Variants in RCAN2 observed in about 807,000 individuals in gnomAD.
The protein encoded by RCAN2 is regulator of calcineurin 2.
Under a neutral mutation model 23.6 loss-of-function variants are expected in RCAN2, and 9 were observed. The ratio of observed to expected loss-of-function variants is 0.38; its 90% CI spans 0.23 to 0.67. The LOEUF (loss-of-function observed/expected upper bound fraction) is 0.67, where lower values mean the gene tolerates loss of function less well. RCAN2 is among the 30% of genes least tolerant of loss of function. The pLI, the probability that RCAN2 is intolerant of heterozygous loss-of-function variation, is 0.51. For synonymous variants in RCAN2, 109 were observed against 115.7 expected, an observed-to-expected ratio of 0.94 and a Z score of 0.37; for missense variants, 273 against 302.3, an observed-to-expected ratio of 0.90 and a Z score of 0.72.
intron 2 of RCAN2, among the ~76,000 whole-genome samples, chr6:46,252,567 A>G (rs1229448793): frequency 6.6e-6 from 1 of 152,162 alleles, no homozygotes; most frequent in Non-Finnish European, 1.5e-5. Context: ...AGAAATTACA[A>G]CTGAGAAACT....
intron 2 of RCAN2, among the ~76,000 whole-genome samples, chr6:46,311,180 C>T: frequency 6.6e-6 from 1 of 152,168 alleles, no homozygotes; most frequent in East Asian, 1.9e-4. Flanking sequence ...AAATCCCATT[C>T]CCTCTCCATG....
At chr6:46,224,098 T>C (rs1295515832) in intron 4 of RCAN2, among the ~76,000 whole-genome samples, 1 of 152,190 alleles carries the variant, frequency 6.6e-6, no homozygotes, top group African/African-American at 2.4e-5. Context: ...TGGCAATGTA[T>C]GTTAAGGACT....
Position 46,222,114 on chromosome 6 carries a change from T to C in RCAN2, c.*1027A>G, listed in dbSNP as rs1694782640. On this transcript the variant is annotated 3_prime_UTR_variant, in exon 5 of 5. Coordinates refer to ENST00000371374, the MANE Select transcript of RCAN2 (RefSeq NM_001251974.2). Reference sequence around the variant, plus strand: ...AAGATGTTGGCTAATCATGTATATATTGGCATTAGATGTTTTGTGTCCTTT... The same window carrying C: ...AAGATGTTGGCTAATCATGTATATACTGGCATTAGATGTTTTGTGTCCTTT... 5.0e-6 allele frequency: 2 copies of C among 397,062 alleles called. No homozygotes were observed. The highest frequency in any genetic ancestry group is 3.6e-5 in the East Asian group (1 of 28,050). The allele number at this position is 397,062 out of a possible 1,614,324, so 24.6% of individuals were successfully genotyped here. A position where few individuals can be genotyped will look rare whatever the true frequency, so the allele number is the denominator to read the frequency against.
rs190651780 is a variant in RCAN2 at position 46,340,656 on chromosome 6, G to T, written c.226-91760C>A. On this transcript the variant is annotated intron_variant, in intron 2 of 4. Coordinates refer to ENST00000371374, the MANE Select transcript of RCAN2 (RefSeq NM_001251974.2). ...CCCTCTTCTATCACATTGTGATGGGGTATTACAGGAGTGGGAAATAAGTCT... is the reference window on the plus strand; with the variant it reads ...CCCTCTTCTATCACATTGTGATGGGTTATTACAGGAGTGGGAAATAAGTCT... 2.6e-5 allele frequency among the ~76,000 whole-genome samples: 4 copies of T among 152,276 alleles called. No homozygotes were observed. The East Asian group carries it at 7.7e-4, about 29-fold the overall frequency.
chr6:46,352,990 C>T (rs1371754144), intron 2 of RCAN2, among the ~76,000 whole-genome samples: 1 of 152,146 alleles, frequency 6.6e-6, no homozygotes, highest in Non-Finnish European at 1.5e-5. Context: ...GGCATAGCTC[C>T]CAGGGCAGTG....
intron 2 of RCAN2, among the ~76,000 whole-genome samples, chr6:46,368,859 T>C (rs965105209): frequency 3.3e-5 from 5 of 152,308 alleles, no homozygotes; most frequent in African/African-American, 1.2e-4. Flanking sequence ...ACATGTAGGC[T>C]ACACTAAATG....
At chr6:46,242,994 G>A (rs1165347712) in intron 4 of RCAN2, among the ~76,000 whole-genome samples, 1 of 152,194 alleles carries the variant, frequency 6.6e-6, no homozygotes, top group African/African-American at 2.4e-5. Flanking sequence ...AAGAAGTGAA[G>A]ATAGTAAGTT....
intron 2 of RCAN2, among the ~76,000 whole-genome samples, chr6:46,285,349 G>A (rs1378443735): frequency 6.6e-6 from 1 of 152,226 alleles, no homozygotes; most frequent in Non-Finnish European, 1.5e-5. Context: ...GTGATCTTAT[G>A]CAAGTGGTCC....
At chr6:46,465,737 G>C (rs767652773) in intron 1 of RCAN2, among the ~76,000 whole-genome samples, 1 of 152,214 alleles carries the variant, frequency 6.6e-6, no homozygotes, top group Non-Finnish European at 1.5e-5. Context: ...GGGCCATGGA[G>C]GTGGAACACA....
chr6:46,318,632 C>T (rs373862759), intron 2 of RCAN2, among the ~76,000 whole-genome samples: 2 of 151,852 alleles, frequency 1.3e-5, no homozygotes, highest in African/African-American at 2.4e-5. Flanking sequence ...GTTAAAAGCA[C>T]GCAATTACCA....
At chr6:46,358,652 G>A (rs537913855) in intron 2 of RCAN2, among the ~76,000 whole-genome samples, 6 of 152,266 alleles carry the variant, frequency 3.9e-5, no homozygotes, top group African/African-American at 1.4e-4. Context: ...AGATGCTCAG[G>A]CCCCATGAGA....
At chr6:46,486,028 T>G (rs1768981749) in intron 1 of RCAN2, among the ~76,000 whole-genome samples, 1 of 152,324 alleles carries the variant, frequency 6.6e-6, no homozygotes, top group African/African-American at 2.4e-5. Context: ...ATTGATTTCT[T>G]GTTATTAGTA....
intron 1 of RCAN2, among the ~76,000 whole-genome samples, chr6:46,459,658 C>A (rs1768155022): frequency 6.6e-6 from 1 of 152,142 alleles, no homozygotes; most frequent in Non-Finnish European, 1.5e-5. Flanking sequence ...ATTACTAACT[C>A]ACCCCATAAT....
intron 2 of RCAN2, among the ~76,000 whole-genome samples, chr6:46,431,752 A>G (rs1767217097): frequency 6.6e-6 from 1 of 152,254 alleles, no homozygotes; most frequent in African/African-American, 2.4e-5. Context: ...AAAGAAAAAA[A>G]TCATGCTCTA....
chr6:46,237,410 A>G (rs1766140854), intron 4 of RCAN2, among the ~76,000 whole-genome samples: 1 of 152,194 alleles, frequency 6.6e-6, no homozygotes, highest in Non-Finnish European at 1.5e-5. Flanking sequence ...CTACATTCTC[A>G]TTTTAAAACT....
At chr6:46,227,142 T>G (rs1433010365) in intron 4 of RCAN2, among the ~76,000 whole-genome samples, 1 of 152,220 alleles carries the variant, frequency 6.6e-6, no homozygotes, top group Non-Finnish European at 1.5e-5. Flanking sequence ...GAAGCCCACT[T>G]GATCATGGTG....
At chr6:46,302,103 C>A (rs929471965) in intron 2 of RCAN2, among the ~76,000 whole-genome samples, 1 of 151,956 alleles carries the variant, frequency 6.6e-6, no homozygotes, top group Non-Finnish European at 1.5e-5. Context: ...AAGGTCAGAG[C>A]TGAGTGGAGA....
chr6:46,316,918 C>A (rs962416133), intron 2 of RCAN2, among the ~76,000 whole-genome samples: 2 of 152,148 alleles, frequency 1.3e-5, no homozygotes, highest in Non-Finnish European at 2.9e-5. Context: ...GAAAGAATCC[C>A]AGTCCAAGTT....
intron 2 of RCAN2, among the ~76,000 whole-genome samples, chr6:46,372,219 C>A (rs1260202304): frequency 6.6e-6 from 1 of 152,204 alleles, no homozygotes; most frequent in Non-Finnish European, 1.5e-5. Context: ...AATCGTATTT[C>A]CCAGCACTGT....
Sources: gnomAD v4.1 joint callset for allele counts (sites outside exome capture counted in the v4.1 genomes callset) on GRCh38, gnomAD v4.1.1 for gene constraint, MANE v1.5 for transcripts, NCBI Gene and HGNC (gene_info 2026-07-23, HGNC 2026-07-21) for gene names.